Variants in ZC3H15 observed in about 807,000 individuals in gnomAD.
ZC3H15 encodes the protein zinc finger CCCH domain-containing protein 15.
A neutral mutation model predicts 51.2 loss-of-function variants in ZC3H15; 15 were observed. That is an observed-to-expected ratio of 0.29 (90% CI 0.20 to 0.45). The LOEUF is 0.45. Among genes scored for constraint, ZC3H15 ranks in the 20% least tolerant of loss-of-function variants. The pLI is 1.00. For missense variants in ZC3H15, 381 were observed against 494.7 expected (o/e 0.77, Z 2.18); for synonymous variants, 144 against 162.8 (o/e 0.88, Z 0.88).
chr2:186,506,984 G>C (rs978741035), intron 9 of ZC3H15, 148 bp downstream of exon 9: 1 of 873,368 alleles, frequency 1.1e-6, no homozygotes, highest in Non-Finnish European at 1.7e-6. Flanking sequence ...GTAATAAATA[G>C]TGAAAGGCTG....
In ZC3H15 at chr2:186,504,156, A is replaced by C. The variant is rs2105593201; in HGVS notation, c.659A>C (p.Asp220Ala). The C allele has an allele frequency of 6.2e-7, 1 of 1,611,076 alleles. No homozygotes were observed. Among genetic ancestry groups the C allele is most frequent in the Middle Eastern group, 1.7e-4 (1 of 6,054 alleles). ...ALPPGFVLKK[D>A]KKKEEKEDEI... The stretch of plus-strand genomic sequence containing the variant: ...CCTCCTGGATTTGTGTTGAAAAAAG[A>C]TAAAAAGAAAGAAGAGAAAGAAGAT... Residue 220 changes from aspartate to alanine, a missense_variant, in exon 6 of 10, where the codon GAT becomes GCT. Physicochemically the swap from Asp to Ala is moderately radical, Grantham distance 126. This residue lies in a region of ZC3H15 where 215 missense variants were observed against 241.8 expected (regional missense o/e 0.89). Coordinates refer to ENST00000337859, the MANE Select transcript of ZC3H15 (RefSeq NM_018471.3).
At chr2:186,491,483 T>C (rs1399615764) in intron 1 of ZC3H15, among the ~76,000 whole-genome samples, 1 of 152,198 alleles carries the variant, frequency 6.6e-6, no homozygotes, top group Non-Finnish European at 1.5e-5. Flanking sequence ...CCAGGGATTC[T>C]AACACAGGAA....
chr2:186,503,444 T>G (rs1685419678), intron 5 of ZC3H15, among the ~76,000 whole-genome samples: 1 of 152,214 alleles, frequency 6.6e-6, no homozygotes, highest in Non-Finnish European at 1.5e-5. Context: ...TGGCGCAATC[T>G]TAGCTCACTG....
chr2:186,504,541 G>A (rs563792970), intron 6 of ZC3H15, among the ~76,000 whole-genome samples: 17 of 152,120 alleles, frequency 1.1e-4, no homozygotes, highest in African/African-American at 3.1e-4. Flanking sequence ...TAGATTTTTC[G>A]CCCTGATATC....
intron 2 of ZC3H15, chr2:186,497,024 T>G (rs757361471): frequency 1.7e-5 from 6 of 348,740 alleles, no homozygotes; most frequent in Admixed American, 9.3e-5. Context: ...TTAAAATGAG[T>G]TTATCCATTG....
intron 3 of ZC3H15, 93 bp from the exon 4 acceptor site, chr2:186,501,180 A>AT (rs1329732891): frequency 1.5e-6 from 2 of 1,375,352 alleles, no homozygotes; most frequent in Non-Finnish European, 1.9e-6. Context: ...TGAATGGAAA[A>AT]TAAGTTAACC....
chr2:186,493,900 T>C lies in ZC3H15; in HGVS notation c.76-1333T>C, dbSNP rs1223523014. Among the ~76,000 whole-genome samples, 10 of 148,396 alleles carry C rather than the reference T, an allele frequency of 6.7e-5. No individual in the cohort carries two copies. In the Admixed American group the frequency reaches 6.9e-4, roughly 10 times the overall value. ...CTAGTATGATGTCATCTTAACTCAT[T>C]ACATCTGTGAAGACCTACGTCCAAA... is the stretch of plus-strand genomic sequence containing the variant. On this transcript the variant is annotated intron_variant, in intron 1 of 9. Transcript: ENST00000337859.
In ZC3H15 at chr2:186,504,015, TA is replaced by T; in HGVS notation, c.535-15del. 3.9e-6 allele frequency: 6 copies of T among 1,539,974 alleles called. No homozygotes were observed. Among genetic ancestry groups the T allele is most frequent in the Non-Finnish European group, 4.4e-6 (5 of 1,144,856 alleles). ...CCTACACTGAGCCACCGCTTGTGAATAATATTGTCTCTATAGGTGTGCAAGC... is the reference window on the plus strand; with the variant it reads ...CCTACACTGAGCCACCGCTTGTGAATATATTGTCTCTATAGGTGTGCAAGC... On this transcript the variant is annotated splice_polypyrimidine_tract_variant and intron_variant, in intron 5 of 9. Coordinates refer to ENST00000337859, the MANE Select transcript of ZC3H15 (RefSeq NM_018471.3).
chr2:186,486,324 C>T lies in ZC3H15; in HGVS notation c.-59C>T, dbSNP rs370694339. 5 of 1,462,980 alleles carry T rather than the reference C, an allele frequency of 3.4e-6. No individual in the cohort carries two copies. Among genetic ancestry groups the T allele is most frequent in the South Asian group, 1.4e-5 (1 of 74,060 alleles). 90.6% of individuals were successfully genotyped at this position (1,462,980 alleles called of 1,614,324 possible). On this transcript the variant is annotated 5_prime_UTR_variant, in exon 1 of 10. Transcript: ENST00000337859. ...CTTCCTCCTCGTCCTGCCGCAGGGC[C>T]AGAACCCCTGACGGTATTCAGCTGC...
chr2:186,494,068 AT>A (rs940914392), intron 1 of ZC3H15, among the ~76,000 whole-genome samples: 49 of 150,680 alleles, frequency 3.3e-4, no homozygotes, highest in African/African-American at 8.8e-4. Context: ...CTGCATACTT[AT>A]TTTTTTTAAT....
At chr2:186,489,480 T>G (rs1377395040) in intron 1 of ZC3H15, among the ~76,000 whole-genome samples, 2 of 152,214 alleles carry the variant, frequency 1.3e-5, no homozygotes, top group Non-Finnish European at 2.9e-5. Flanking sequence ...TTTTTTATAG[T>G]CTATTTTGAC....
At chr2:186,489,234 A>G (rs1017170846) in intron 1 of ZC3H15, among the ~76,000 whole-genome samples, 10 of 152,222 alleles carry the variant, frequency 6.6e-5, no homozygotes, top group African/African-American at 2.4e-4. Context: ...GATATTTGCT[A>G]CTACTGGAGA....
rs1241833775 is a variant in ZC3H15 at position 186,486,364 on chromosome 2, G to T, written c.-19G>T. 1.3e-6 allele frequency: 2 copies of T among 1,528,524 alleles called. No individual in the cohort carries two copies. The highest frequency in any genetic ancestry group is 2.5e-5 in the East Asian group (1 of 39,632). The allele number at this position is 1,528,524 out of a possible 1,614,324, so 94.7% of individuals were successfully genotyped here. On this transcript the variant is annotated 5_prime_UTR_variant, in exon 1 of 10. Transcript: ENST00000337859. ...TATTCAGCTGCGCGTAAGTCTGGCC[G>T]GTGCCATCTGTCTCCGCAATGCCCC...
chr2:186,493,005 A>G (rs1317698854), intron 1 of ZC3H15, among the ~76,000 whole-genome samples: 4 of 152,134 alleles, frequency 2.6e-5, no homozygotes, highest in Admixed American at 2.0e-4. Flanking sequence ...CAGCATATGA[A>G]GATTGGCAGT....
chr2:186,500,908 C>G (rs1685371775), intron 3 of ZC3H15, among the ~76,000 whole-genome samples: 1 of 152,094 alleles, frequency 6.6e-6, no homozygotes, highest in Admixed American at 6.6e-5. Flanking sequence ...CTCCTGACCT[C>G]GTTATCTGTC....
rs1392150044 is a variant in ZC3H15, at chr2:186,506,827, G to A, written c.1081G>A (p.Asp361Asn). Residue 361 changes from aspartate (D) to asparagine (N), a missense_variant, in exon 9 of 10, where the codon GAT becomes AAT. Physicochemically the swap from Asp to Asn is conservative, Grantham distance 23. Around this residue, in one of 3 missense-constraint regions of ZC3H15, gnomAD observed 215 missense variants for 241.8 expected, o/e 0.89. Transcript: ENST00000337859. ...SLERFSTYTSDKDENKLSEAS... is the reference protein window; with the variant it reads ...SLERFSTYTSNKDENKLSEAS... The stretch of plus-strand genomic sequence containing the variant: ...TGAAAGATTCAGCACATATACTTCA[G>A]ATAAAGATGGTAAGTATGCTAACTT... 18 of 1,610,338 alleles carry A rather than the reference G, an allele frequency of 1.1e-5. No homozygotes were observed. The Admixed American group carries it at 2.9e-4, about 26-fold the overall frequency.
chr2:186,497,030 C>T (rs574697480), intron 2 of ZC3H15: 15 of 344,160 alleles, frequency 4.4e-5, no homozygotes, highest in South Asian at 6.6e-5. Flanking sequence ...TGAGTTTATC[C>T]ATTGGCAACT....
In ZC3H15 at chr2:186,505,721, T is replaced by C. The variant is rs764923075; in HGVS notation, c.865-19T>C. ...TTTAGATTTTTGTCCTGAGTTGATATATTTGTGTGTCTCAATAGATCAGTG... is the reference window on the plus strand; with the variant it reads ...TTTAGATTTTTGTCCTGAGTTGATACATTTGTGTGTCTCAATAGATCAGTG... On this transcript the variant is annotated intron_variant, in intron 7 of 9. Coordinates refer to ENST00000337859, the MANE Select transcript of ZC3H15 (RefSeq NM_018471.3). The C allele has an allele frequency of 1.3e-5, 21 of 1,611,536 alleles. No homozygotes were observed. The highest frequency in any genetic ancestry group is 5.3e-5 in the African/African-American group (4 of 74,880).
chr2:186,497,516 T>C (rs1685302784), intron 2 of ZC3H15, among the ~76,000 whole-genome samples: 1 of 152,228 alleles, frequency 6.6e-6, no homozygotes. Context: ...CTATCTTTTT[T>C]GTTACATGAT....
Sources: allele counts gnomAD v4.1 joint callset (sites outside exome capture counted in the v4.1 genomes callset), GRCh38; gene constraint gnomAD v4.1.1; regional missense constraint gnomAD v4.1.1; transcripts MANE v1.5; gene names NCBI Gene and HGNC (gene_info 2026-07-23, HGNC 2026-07-21).